The following RBFOX1 variants were observed in gnomAD, a reference collection of about 807,000 sequenced individuals.
RBFOX1 encodes the protein RNA binding protein fox-1 homolog 1.
A neutral mutation model predicts 57.7 loss-of-function variants in RBFOX1; 8 were observed. The ratio of observed to expected loss-of-function variants is 0.14; its 90% CI spans 0.08 to 0.25. The LOEUF is 0.25. Ranked by LOEUF, RBFOX1 falls within the 10% of genes least tolerant of loss-of-function variation. The pLI, the probability that RBFOX1 is intolerant of heterozygous loss-of-function variation, is 1.00. For missense variants in RBFOX1, 611 were observed against 548.5 expected (o/e 1.11, Z -1.14); for synonymous variants, 326 against 222.4 (o/e 1.47, Z -4.15).
chr16:6,789,687 TTTC>T (rs1315197924), intron 3 of RBFOX1, among the ~76,000 whole-genome samples: 14 of 152,314 alleles, frequency 9.2e-5, no homozygotes, highest in Admixed American at 5.9e-4. Context: ...TTTTCATCCT[TTTC>T]TTGTTTCATT....
chr16:7,633,307 A>G (rs570766062), intron 11 of RBFOX1, among the ~76,000 whole-genome samples: 2 of 152,334 alleles, frequency 1.3e-5, no homozygotes, highest in African/African-American at 4.8e-5. Context: ...ACCTTTTTCT[A>G]TGTTTAAAGT....
chr16:7,012,315 C>G (rs1232906292), intron 3 of RBFOX1, among the ~76,000 whole-genome samples: 2 of 152,148 alleles, frequency 1.3e-5, no homozygotes, highest in Non-Finnish European at 2.9e-5. Flanking sequence ...CAGGTGAGAT[C>G]TCATAACTAC....
intron 3 of RBFOX1, chr16:5,632,509 A>T (rs1283234428): frequency 6.6e-6 from 1 of 152,234 alleles, no homozygotes; most frequent in Non-Finnish European, 1.5e-5. Context: ...TGTATTTTTC[A>T]GCAAGGCAAG....
intron 3 of RBFOX1, among the ~76,000 whole-genome samples, chr16:6,731,610 T>C (rs965266051): frequency 6.6e-6 from 1 of 152,128 alleles, no homozygotes; most frequent in African/African-American, 2.4e-5. Flanking sequence ...CCTTAACTAA[T>C]GGCTCTTGGG....
At chr16:7,587,109 C>G (rs2094170365) in intron 6 of RBFOX1, 138 bp from the exon 7 acceptor site, 1 of 1,109,342 alleles carries the variant, frequency 9.0e-7, no homozygotes, top group Non-Finnish European at 1.2e-6. Flanking sequence ...GTTTCAAGCA[C>G]ATTAACCATA....
chr16:5,654,625 C>G (rs549698595), intron 3 of RBFOX1, among the ~76,000 whole-genome samples: 1 of 152,300 alleles, frequency 6.6e-6, no homozygotes, highest in African/African-American at 2.4e-5. Context: ...CTGAGCCTCC[C>G]AAAGCCTCAA....
rs371508801 is a variant in RBFOX1 at position 5,939,508 on chromosome 16, C to T, written c.351+72173C>T. Among the ~76,000 whole-genome samples the T allele has an allele frequency of 1.8e-4, 27 of 152,286 alleles. No homozygotes were observed. The East Asian group carries it at 2.7e-3, about 15-fold the overall frequency. On this transcript the variant is annotated intron_variant, in intron 4 of 19. Transcript: ENST00000641259. Reference sequence around the variant, plus strand: ...CATGGAGGACCTTCCACAGGACTGTCTGAGCATCCTCACAACATGGCTGCT... The same window carrying T: ...CATGGAGGACCTTCCACAGGACTGTTTGAGCATCCTCACAACATGGCTGCT...
intron 4 of RBFOX1, among the ~76,000 whole-genome samples, chr16:7,404,028 C>CTTTTATTTTATTTTATTTTA (rs57717446): frequency 0.27 from 34,865 of 129,838 alleles, 5,758 homozygotes; most frequent in Non-Finnish European, 0.33. Context: ...ATTTCATTTC[C>CTTTTATTTTATTTTATTTTA]TTTTATTTTA....
intron 1 of RBFOX1, among the ~76,000 whole-genome samples, chr16:6,206,975 T>G (rs1054881500): frequency 2.3e-5 from 3 of 128,644 alleles, no homozygotes; most frequent in Non-Finnish European, 4.9e-5. Context: ...TGGAATGTGA[T>G]CAGAAAGCTA....
chr16:5,590,600 G>C (rs974379680), intron 2 of RBFOX1, among the ~76,000 whole-genome samples: 1 of 152,164 alleles, frequency 6.6e-6, no homozygotes, highest in African/African-American at 2.4e-5. Context: ...GGTGGTAGCG[G>C]ACTGTCTGCC....
chr16:5,381,889 C>T (rs184897966), intron 1 of RBFOX1, among the ~76,000 whole-genome samples: 2 of 152,364 alleles, frequency 1.3e-5, no homozygotes, highest in East Asian at 3.9e-4. Context: ...GATTCTCAGT[C>T]TTGGCGCTAT....
At chr16:7,691,958 TATC>T (rs2077446054) in intron 14 of RBFOX1, among the ~76,000 whole-genome samples, 1 of 152,272 alleles carries the variant, frequency 6.6e-6, no homozygotes, top group Non-Finnish European at 1.5e-5. Flanking sequence ...CAGCCCAGAA[TATC>T]ATACCTGTAG....
intron 1 of RBFOX1, among the ~76,000 whole-genome samples, chr16:5,423,833 T>G (rs1410578472): frequency 6.6e-6 from 1 of 152,210 alleles, no homozygotes; most frequent in Non-Finnish European, 1.5e-5. Context: ...TCTTGTTGTC[T>G]TCTCGAGCTC....
At chr16:6,544,757 C>G (rs368153759) in intron 2 of RBFOX1, among the ~76,000 whole-genome samples, 5 of 152,260 alleles carry the variant, frequency 3.3e-5, no homozygotes, top group African/African-American at 1.2e-4. Flanking sequence ...GATGATAACA[C>G]TCCTCTCTCA....
intron 1 of RBFOX1, among the ~76,000 whole-genome samples, chr16:5,442,368 G>A (rs1188969783): frequency 6.6e-6 from 1 of 152,244 alleles, no homozygotes; most frequent in Non-Finnish European, 1.5e-5. Context: ...GTGTCCTGCA[G>A]GCTCTGGGAA....
At chr16:6,803,919 A>G (rs1349448347) in intron 3 of RBFOX1, among the ~76,000 whole-genome samples, 1 of 152,184 alleles carries the variant, frequency 6.6e-6, no homozygotes, top group African/African-American at 2.4e-5. Context: ...CCATTGTTGT[A>G]GATCTGGCAT....
intron 2 of RBFOX1, among the ~76,000 whole-genome samples, chr16:5,503,685 C>T (rs1003344250): frequency 3.3e-5 from 5 of 152,108 alleles, no homozygotes; most frequent in Non-Finnish European, 7.4e-5. Context: ...CTGAGGTGAT[C>T]CATCTGCCTC....
intron 4 of RBFOX1, among the ~76,000 whole-genome samples, chr16:7,488,532 C>A (rs981625901): frequency 6.6e-6 from 1 of 151,574 alleles, no homozygotes; most frequent in Non-Finnish European, 1.5e-5. Context: ...TACTATCTAC[C>A]TGTCATTCTG....
chr16:7,343,230 T>A (rs9922280), intron 4 of RBFOX1, among the ~76,000 whole-genome samples: 61,844 of 152,038 alleles, frequency 0.41, 15,489 homozygotes, highest in African/African-American at 0.71. Context: ...GTGCCAGCCG[T>A]CACTGGGCAG....
Sources: allele counts gnomAD v4.1 joint callset (sites outside exome capture counted in the v4.1 genomes callset), GRCh38; gene constraint gnomAD v4.1.1; transcripts MANE v1.5; gene names NCBI Gene and HGNC (gene_info 2026-07-23, HGNC 2026-07-21).